The following FSHR variants were observed in gnomAD, a reference collection of about 807,000 sequenced individuals.
FSHR encodes the protein follicle stimulating hormone receptor.
Under a neutral mutation model 52.1 loss-of-function variants are expected in FSHR, and 46 were observed. The observed-to-expected ratio is 0.88, with a 90% confidence interval of 0.70 to 1.13. The LOEUF is 1.13. FSHR is among the 50% of genes most tolerant of loss of function. The pLI is 0.00. For missense variants in FSHR, 964 were observed against 834.6 expected (o/e 1.16, Z -1.91); for synonymous variants, 399 against 309.6 (o/e 1.29, Z -3.03).
chr2:49,083,211 A>AT (rs1046987389), intron 1 of FSHR, among the ~76,000 whole-genome samples: 24 of 150,914 alleles, frequency 1.6e-4, no homozygotes, highest in African/African-American at 5.8e-4. Context: ...AAAGAAAAGA[A>AT]TTTTCAACCC....
intron 1 of FSHR, among the ~76,000 whole-genome samples, chr2:49,109,337 G>A (rs984342426): frequency 1.2e-4 from 19 of 152,084 alleles, no homozygotes; most frequent in African/African-American, 3.4e-4. Flanking sequence ...TATGCCCATC[G>A]AAAAATGTGG....
intron 1 of FSHR, among the ~76,000 whole-genome samples, chr2:49,120,428 T>C (rs1671770919): frequency 6.6e-6 from 1 of 152,228 alleles, no homozygotes; most frequent in East Asian, 1.9e-4. Context: ...GAATTCTGCT[T>C]TCTGTTGCTG....
At chr2:48,984,230 C>A (rs1675384755) in intron 6 of FSHR, among the ~76,000 whole-genome samples, 1 of 152,114 alleles carries the variant, frequency 6.6e-6, no homozygotes, top group South Asian at 2.1e-4. Context: ...CTAAAAAAAT[C>A]CAGAAAGGGG....
intron 2 of FSHR, among the ~76,000 whole-genome samples, chr2:49,066,774 C>T (rs1241586540): frequency 6.6e-6 from 1 of 152,066 alleles, no homozygotes; most frequent in Non-Finnish European, 1.5e-5. Flanking sequence ...CTGGATTAAA[C>T]TTGATTAAAG....
chr2:49,023,373 G>C (rs1222810712), intron 2 of FSHR, among the ~76,000 whole-genome samples: 2 of 152,156 alleles, frequency 1.3e-5, no homozygotes, highest in Non-Finnish European at 2.9e-5. Flanking sequence ...GGATCAAAGG[G>C]TAGACTAAGG....
chr2:49,075,390 G>A (rs775863591), intron 1 of FSHR, among the ~76,000 whole-genome samples: 1 of 151,796 alleles, frequency 6.6e-6, no homozygotes, highest in Non-Finnish European at 1.5e-5. Flanking sequence ...ACCTAAAAGA[G>A]TGGAAAGAAA....
rs568502645 is a variant in FSHR at position 49,007,001 on chromosome 2, C to G, written c.374+10488G>C. ...GGAGAGACTAATAGCTACAACAAAG[C>G]CTGGAGTGTACTATGACCTCAGTAA... On this transcript the variant is annotated intron_variant, in intron 4 of 9. Transcript: ENST00000406846. Among the ~76,000 whole-genome samples the G allele has an allele frequency of 8.5e-5, 13 of 152,186 alleles. No individual in the cohort carries two copies. The South Asian group carries it at 1.0e-3, about 12-fold the overall frequency.
chr2:49,013,485 A>T lies in FSHR; in HGVS notation c.374+4004T>A, dbSNP rs867066429. On this transcript the variant is annotated intron_variant, in intron 4 of 9. Transcript: ENST00000406846. ...ATAAATATATATATATATATAAATA[A>T]ATATATATATATATAAATATATATA... 2.6e-3 allele frequency among the ~76,000 whole-genome samples: 253 copies of T among 95,726 alleles called. 1 individual carries two copies. Among genetic ancestry groups the T allele is most frequent in the African/African-American group, 7.6e-3 (225 of 29,484 alleles). 62.8% of individuals were successfully genotyped at this position (95,726 alleles called of 152,430 possible). A position where few individuals can be genotyped will look rare whatever the true frequency, so the allele number is the denominator to read the frequency against.
chr2:49,044,773 CCT>C (rs1278816342), intron 2 of FSHR, among the ~76,000 whole-genome samples: 1 of 152,116 alleles, frequency 6.6e-6, no homozygotes, highest in African/African-American at 2.4e-5. Flanking sequence ...CTGCACTTTC[CCT>C]CTGACTTTTG....
chr2:49,085,312 T>G (rs913321676), intron 1 of FSHR, among the ~76,000 whole-genome samples: 70 of 152,238 alleles, frequency 4.6e-4, no homozygotes, highest in Non-Finnish European at 5.6e-4. Context: ...TGCTAAAAAC[T>G]CTCAATAAAT....
intron 4 of FSHR, among the ~76,000 whole-genome samples, chr2:48,992,794 A>G (rs777813557): frequency 6.6e-6 from 1 of 152,110 alleles, no homozygotes; most frequent in Non-Finnish European, 1.5e-5. Context: ...CAAAGCTTCT[A>G]GAAAGAGTTG....
intron 9 of FSHR, 102 bp from the exon 10 acceptor site, chr2:48,964,068 ATT>A (rs59789081): frequency 8.5e-5 from 85 of 996,866 alleles, no homozygotes; most frequent in Non-Finnish European, 9.6e-5. Flanking sequence ...TCTTCCTGAG[ATT>A]TTTTTTTTTT....
chr2:49,033,477 G>C (rs1316888315), intron 2 of FSHR, among the ~76,000 whole-genome samples: 2 of 152,188 alleles, frequency 1.3e-5, no homozygotes, highest in African/African-American at 2.4e-5. Flanking sequence ...GTGAGAATAA[G>C]TAGTAGCTGA....
At chr2:49,014,221 C>A (rs1667399832) in intron 4 of FSHR, among the ~76,000 whole-genome samples, 1 of 152,194 alleles carries the variant, frequency 6.6e-6, no homozygotes, top group African/African-American at 2.4e-5. Flanking sequence ...GTGACATAAT[C>A]CCTTCTAAAT....
chr2:49,004,198 GC>G (rs1667002580), intron 4 of FSHR, among the ~76,000 whole-genome samples: 1 of 152,180 alleles, frequency 6.6e-6, no homozygotes. Flanking sequence ...CACATCCAGT[GC>G]CTCTCAGGCT....
At chr2:48,971,652 A>AT (rs1674747195) in intron 8 of FSHR, among the ~76,000 whole-genome samples, 3 of 152,072 alleles carry the variant, frequency 2.0e-5, no homozygotes, top group Admixed American at 1.3e-4. Flanking sequence ...ATACTTACTG[A>AT]TTTTTTTGCT....
At chr2:49,042,728 G>A (rs977694579) in intron 2 of FSHR, among the ~76,000 whole-genome samples, 1 of 152,166 alleles carries the variant, frequency 6.6e-6, no homozygotes, top group Non-Finnish European at 1.5e-5. Context: ...GTATCTATGA[G>A]GTTTGTCATT....
At chr2:48,981,319 A>G (rs1465078681) in intron 8 of FSHR, among the ~76,000 whole-genome samples, 1 of 152,180 alleles carries the variant, frequency 6.6e-6, no homozygotes, top group African/African-American at 2.4e-5. Context: ...ATGAGGAGGA[A>G]CTTTCCTTTG....
At chr2:48,979,182 C>T (rs1053484689) in intron 8 of FSHR, among the ~76,000 whole-genome samples, 19 of 152,096 alleles carry the variant, frequency 1.2e-4, no homozygotes, top group African/African-American at 3.4e-4. Context: ...TTATGACTCA[C>T]GCCTGTAATT....
Sources: gnomAD v4.1 joint callset for allele counts (sites outside exome capture counted in the v4.1 genomes callset) on GRCh38, gnomAD v4.1.1 for gene constraint, MANE v1.5 for transcripts, NCBI Gene and HGNC (gene_info 2026-07-23, HGNC 2026-07-21) for gene names.